LTBP2: variants seen among roughly 807,000 people sequenced by gnomAD.
The protein encoded by LTBP2 is latent transforming growth factor beta binding protein 2.
LTBP2 carries 103 observed loss-of-function variants against 210.6 expected under a neutral mutation model. The observed-to-expected ratio is 0.49, with a 90% CI of 0.42 to 0.58. The LOEUF (loss-of-function observed/expected upper bound fraction) is 0.58, where lower values mean the gene tolerates loss of function less well. Among genes scored for constraint, LTBP2 ranks in the 20% least tolerant of loss-of-function variants. The pLI, the probability that LTBP2 is intolerant of heterozygous loss-of-function variation, is 0.00. For synonymous variants in LTBP2, 1,007 were observed against 1,015.0 expected (o/e 0.99, Z 0.15); for missense variants, 2,313 against 2,494.5 (o/e 0.93, Z 1.55).
At chr14:74,517,264 T>A (rs1205208493) in intron 17 of LTBP2, among the ~76,000 whole-genome samples, 1 of 152,146 alleles carries the variant, frequency 6.6e-6, no homozygotes, top group Non-Finnish European at 1.5e-5. Context: ...CCATACAGTA[T>A]AAACTGCAGA....
chr14:74,595,170 G>A (rs1213015879), intron 2 of LTBP2, among the ~76,000 whole-genome samples: 1 of 152,256 alleles, frequency 6.6e-6, no homozygotes, highest in Non-Finnish European at 1.5e-5. Context: ...GGGGAGGAAG[G>A]GGAGGTGTGA....
chr14:74,612,165 G>A lies in LTBP2; in HGVS notation c.-221C>T. 1.9e-6 allele frequency: 1 copy of A among 516,956 alleles called. No homozygotes were observed. The highest frequency in any genetic ancestry group is 3.3e-6 in the Non-Finnish European group (1 of 299,762). The allele number at this position is 516,956 out of a possible 1,614,324, so 32.0% of individuals were successfully genotyped here. On this transcript the variant is annotated 5_prime_UTR_variant, in exon 1 of 36. Coordinates refer to ENST00000261978, the MANE Select transcript of LTBP2 (RefSeq NM_000428.3). Reference sequence around the variant, plus strand: ...GCTCCTACTCCAGCTGGGCTCGCACGGCTGCTGCACCTTCGCGCCTCCTCC... The same window carrying A: ...GCTCCTACTCCAGCTGGGCTCGCACAGCTGCTGCACCTTCGCGCCTCCTCC...
intron 3 of LTBP2, among the ~76,000 whole-genome samples, chr14:74,561,987 A>C (rs1433186239): frequency 6.6e-6 from 1 of 152,172 alleles, no homozygotes; most frequent in African/African-American, 2.4e-5. Context: ...AGGCGGATGG[A>C]TCACCTGAGG....
At position 74,555,695 on chromosome 14, in the gene LTBP2, T is replaced by TCACCCCGTGCCACTCAG. The variant is rs1315608592; in HGVS notation, c.831-3_831-2insCTGAGTGGCACGGGGTG. 1.3e-6 allele frequency: 2 copies of TCACCCCGTGCCACTCAG among 1,520,812 alleles called. No individual in the cohort carries two copies. Among genetic ancestry groups the TCACCCCGTGCCACTCAG allele is most frequent in the Non-Finnish European group, 1.8e-6 (2 of 1,130,922 alleles). 94.2% of individuals were successfully genotyped at this position (1,520,812 alleles called of 1,614,324 possible). On this transcript the variant is annotated splice_region_variant and splice_polypyrimidine_tract_variant and intron_variant, in intron 3 of 35. Transcript: ENST00000261978. Reference sequence around the variant, plus strand: ...GTCTGGCTGAGGCCACTCAGGGTCCTGTGGAGACAACCGCGGCACGGGGGT... The same window carrying TCACCCCGTGCCACTCAG: ...GTCTGGCTGAGGCCACTCAGGGTCCTCACCCCGTGCCACTCAGGTGGAGACAACCGCGGCACGGGGGT...
intron 19 of LTBP2, 151 bp downstream of exon 19, chr14:74,511,094 C>A: frequency 8.0e-7 from 1 of 1,253,848 alleles, no homozygotes; most frequent in Non-Finnish European, 1.1e-6. Context: ...CGACTCATGC[C>A]CAGCGTCATC....
At chr14:74,529,473 G>C (rs554216996) in intron 10 of LTBP2, among the ~76,000 whole-genome samples, 3 of 152,218 alleles carry the variant, frequency 2.0e-5, no homozygotes, top group Non-Finnish European at 4.4e-5. Flanking sequence ...TGAGCGGGCA[G>C]CAGTATGTCC....
chr14:74,507,880 G>A, intron 25 of LTBP2, 93 bp downstream of exon 25: 2 of 1,561,190 alleles, frequency 1.3e-6, no homozygotes, highest in South Asian at 1.1e-5. Context: ...TTCATCTGTG[G>A]AAAGTGCTCT....
intron 1 of LTBP2, among the ~76,000 whole-genome samples, chr14:74,608,706 CAAAAAAAAGAAAAA>C (rs1365210836): frequency 9.6e-4 from 47 of 48,786 alleles, no homozygotes; most frequent in Middle Eastern, 0.015. Context: ...GACTCTATCT[CAAAAAAAAGAAAAA>C]AAAAAAAAGA....
At position 74,551,260 on chromosome 14, in the gene LTBP2, C is replaced by T. The variant is rs1452715525; in HGVS notation, c.1490G>A (p.Gly497Glu). The T allele has an allele frequency of 2.2e-5, 35 of 1,610,384 alleles. No homozygotes were observed. The highest frequency in any genetic ancestry group is 2.7e-5 in the Non-Finnish European group (32 of 1,178,720). ...GTTCTCCACTAGGGCCTCCTCCACCCCGCCCCGCACCTGGGCCACCTGGTG... is the reference window on the plus strand; with the variant it reads ...GTTCTCCACTAGGGCCTCCTCCACCTCGCCCCGCACCTGGGCCACCTGGTG... ...QIHQVAQVRG[G>E]VEEALVENSV... Residue 497 changes from glycine (G) to glutamate (E), a missense_variant, in exon 7 of 36, where the codon GGG (glycine) becomes GAG (glutamate). Physicochemically the swap from Gly to Glu is moderately conservative, Grantham distance 98. Transcript: ENST00000261978.
intron 10 of LTBP2, among the ~76,000 whole-genome samples, chr14:74,531,067 T>TG (rs2087343926): frequency 6.6e-6 from 1 of 152,244 alleles, no homozygotes; most frequent in Admixed American, 6.5e-5. Context: ...GGAAGGGCTC[T>TG]GTCCCTTTGA....
intron 10 of LTBP2, 76 bp downstream of exon 10, chr14:74,532,350 G>C: frequency 1.3e-6 from 2 of 1,597,956 alleles, no homozygotes; most frequent in Non-Finnish European, 1.7e-6. Context: ...TGCTGCCCTG[G>C]GCCTGGCCTG....
intron 3 of LTBP2, among the ~76,000 whole-genome samples, chr14:74,571,290 T>C (rs1390480702): frequency 6.6e-6 from 1 of 152,168 alleles, no homozygotes; most frequent in Non-Finnish European, 1.5e-5. Context: ...GCCGAGGTCA[T>C]GCCACTGCAC....
At chr14:74,546,763 G>C (rs749114086) in intron 8 of LTBP2, among the ~76,000 whole-genome samples, 1 of 152,232 alleles carries the variant, frequency 6.6e-6, no homozygotes, top group Non-Finnish European at 1.5e-5. Context: ...TGTCTGAACC[G>C]AGCTCACCAG....
At chr14:74,527,210 C>T (rs758241831) in intron 13 of LTBP2, 137 bp downstream of exon 13, 69 of 1,162,064 alleles carry the variant, frequency 5.9e-5, no homozygotes, top group Non-Finnish European at 8.3e-5. Context: ...TTGGTCATCT[C>T]TTCAAGTAAA....
At chr14:74,532,678 G>T in intron 9 of LTBP2, 130 bp from the exon 10 acceptor site, 2 of 1,032,130 alleles carry the variant, frequency 1.9e-6, no homozygotes, top group Non-Finnish European at 2.9e-6. Flanking sequence ...GTATTCAGTG[G>T]GATTCCTCTC....
chr14:74,582,701 C>T (rs1048505137), intron 3 of LTBP2, among the ~76,000 whole-genome samples: 18 of 152,162 alleles, frequency 1.2e-4, no homozygotes, highest in African/African-American at 4.3e-4. Context: ...AAAGCCCGGG[C>T]TCTAACCCTC....
Position 74,528,620 on chromosome 14 carries a change from G to T in LTBP2, c.2231C>A (p.Ala744Asp), listed in dbSNP as rs1310944162. Residue 744 changes from alanine to aspartate, a missense_variant, in exon 12 of 36, where the codon GCC becomes GAC. Coordinates refer to ENST00000261978, the MANE Select transcript of LTBP2 (RefSeq NM_000428.3). ...GGGCCTTGCCAGTTCCTCCTCCTCGGCTTTCCTCATGGACAGGCGGATGTC... is the reference window on the plus strand; with the variant it reads ...GGGCCTTGCCAGTTCCTCCTCCTCGTCTTTCCTCATGGACAGGCGGATGTC... ...SSDIRLSMRK[A>D]EEEELARPPR... 1 of 1,613,470 alleles carries T rather than the reference G, an allele frequency of 6.2e-7. No homozygotes were observed. Among genetic ancestry groups the T allele is most frequent in the East Asian group, 2.2e-5 (1 of 44,890 alleles).
At chr14:74,529,906 G>C (rs1208819236) in intron 10 of LTBP2, among the ~76,000 whole-genome samples, 1 of 152,224 alleles carries the variant, frequency 6.6e-6, no homozygotes, top group Admixed American at 6.5e-5. Flanking sequence ...AGGAGAGTGG[G>C]CTGAAGAGGA....
chr14:74,516,900 G>A lies in LTBP2; in HGVS notation c.2830C>T (p.Gln944Ter), dbSNP rs1566619583. The A allele has an allele frequency of 6.4e-7, 1 of 1,551,856 alleles. No homozygotes were observed. Among genetic ancestry groups the A allele is most frequent in the South Asian group, 1.2e-5 (1 of 84,058 alleles). ...TACGAGCCCTCGGTGTTGGTGCACT[G>A]CCCCCCGCTGCACACCCCTGGCTGC... ...CEQPGVCSGGQCTNTEGSYHC... is the reference protein window; with the variant it reads ...CEQPGVCSGG Residue 944 changes from glutamine to a stop codon, truncating the protein, a stop_gained, in exon 18 of 36, where the codon CAG becomes TAG. Transcript: ENST00000261978. LOFTEE classifies it high-confidence loss of function.
Sources: allele counts gnomAD v4.1 joint callset (sites outside exome capture counted in the v4.1 genomes callset), GRCh38; gene constraint gnomAD v4.1.1; transcripts MANE v1.5; gene names NCBI Gene and HGNC (gene_info 2026-07-23, HGNC 2026-07-21).